Variants in MRPL48 observed in about 807,000 individuals in gnomAD.
The protein encoded by MRPL48 is mitochondrial ribosomal protein L48.
A neutral mutation model predicts 32.9 loss-of-function variants in MRPL48; 16 were observed. That is an observed-to-expected ratio of 0.49 (90% CI 0.33 to 0.74). The LOEUF (loss-of-function observed/expected upper bound fraction) is 0.74, where lower values mean the gene tolerates loss of function less well. Among genes scored for constraint, MRPL48 ranks in the 30% least tolerant of loss-of-function variants. The pLI, the probability that MRPL48 is intolerant of heterozygous loss-of-function variation, is 0.02. For missense variants in MRPL48, 206 were observed against 245.3 expected, an observed-to-expected ratio of 0.84 and a Z score of 1.07; for synonymous variants, 94 against 89.2, an observed-to-expected ratio of 1.05 and a Z score of -0.31.
At chr11:73,838,981 C>T (rs1670571) in intron 4 of MRPL48, among the ~76,000 whole-genome samples, 12,252 of 152,160 alleles carry the variant, frequency 0.081, 685 homozygotes, top group African/African-American at 0.16. Flanking sequence ...AATAATGACT[C>T]ATTGTATGTT....
chr11:73,788,091 G>A (rs1344374916), intron 1 of MRPL48, 99 bp downstream of exon 1: 7 of 1,376,514 alleles, frequency 5.1e-6, no homozygotes, highest in East Asian at 2.8e-5. Flanking sequence ...GCGGCGCGCG[G>A]ACATCCGGGG....
rs116055271 is a variant in MRPL48 at position 73,845,221 on chromosome 11, C to A, written c.371+245C>A. The A allele has an allele frequency of 8.6e-3, 2,842 of 329,870 alleles. 70 individuals carry two copies. The highest frequency in any genetic ancestry group is 0.056 in the African/African-American group (2,641 of 47,198). The allele number at this position is 329,870 out of a possible 1,614,324, so 20.4% of individuals were successfully genotyped here. A position where few individuals can be genotyped will look rare whatever the true frequency, so the allele number is the denominator to read the frequency against. The stretch of plus-strand genomic sequence containing the variant: ...TGGCAACCACAGACCAATTTTCTGG[C>A]CCTATTGTTTTAACTTCTCCAGAAT... On this transcript the variant is annotated intron_variant, in intron 5 of 7. Transcript: ENST00000310614.
Position 73,810,559 on chromosome 11 carries a change from A to C in MRPL48, c.112+2209A>C, listed in dbSNP as rs12804752. On this transcript the variant is annotated intron_variant, in intron 3 of 7. Transcript: ENST00000310614. ...AGAAATAAGGATGTTTTCTTTCTTT[A>C]TTTTTTTTTTTTTATTGTAATTTAA... 1.8e-3 allele frequency among the ~76,000 whole-genome samples: 73 copies of C among 39,858 alleles called. 1 individual carries two copies. The highest frequency in any genetic ancestry group is 3.1e-3 in the East Asian group (6 of 1,922). 26.1% of individuals were successfully genotyped at this position (39,858 alleles called of 152,430 possible). A position where few individuals can be genotyped will look rare whatever the true frequency, so the allele number is the denominator to read the frequency against.
chr11:73,793,146 A>G (rs1423186694), intron 1 of MRPL48, among the ~76,000 whole-genome samples: 2 of 152,056 alleles, frequency 1.3e-5, no homozygotes, highest in East Asian at 1.9e-4. Context: ...GCTCACTACA[A>G]CCTCTGCCTC....
intron 1 of MRPL48, among the ~76,000 whole-genome samples, chr11:73,796,872 C>T (rs546783141): frequency 6.6e-6 from 1 of 152,142 alleles, no homozygotes; most frequent in South Asian, 2.1e-4. Context: ...TGAGACCAAC[C>T]TGGCCAACAT....
At chr11:73,801,868 T>C (rs1947368581) in intron 1 of MRPL48, among the ~76,000 whole-genome samples, 1 of 152,216 alleles carries the variant, frequency 6.6e-6, no homozygotes, top group African/African-American at 2.4e-5. Flanking sequence ...ATGGTAGCAA[T>C]GATTATCATT....
intron 4 of MRPL48, among the ~76,000 whole-genome samples, chr11:73,828,259 C>T (rs1221759581): frequency 6.8e-6 from 1 of 146,886 alleles, no homozygotes; most frequent in Non-Finnish European, 1.5e-5. Flanking sequence ...TAGAATCTCT[C>T]TGCCGCACAG....
At chr11:73,791,414 T>C (rs913535887) in intron 1 of MRPL48, among the ~76,000 whole-genome samples, 12 of 151,362 alleles carry the variant, frequency 7.9e-5, no homozygotes. Flanking sequence ...CTATATTTTC[T>C]TTTTTTTTAA....
rs754606008 is a variant in MRPL48 at position 73,800,867 on chromosome 11, A to G, written c.22-4160A>G. Reference sequence around the variant, plus strand: ...GCTCTTGTTGCCCAGGCTGGAGTGCAATGGCGTGATCTCGGCTCACAGCAA... The same window carrying G: ...GCTCTTGTTGCCCAGGCTGGAGTGCGATGGCGTGATCTCGGCTCACAGCAA... On this transcript the variant is annotated intron_variant, in intron 1 of 7. Transcript: ENST00000310614. Among the ~76,000 whole-genome samples the G allele has an allele frequency of 5.8e-4, 84 of 144,240 alleles. 1 individual carries two copies. Among genetic ancestry groups the G allele is most frequent in the Non-Finnish European group, 1.1e-3 (71 of 67,028 alleles). 94.6% of individuals were successfully genotyped at this position (144,240 alleles called of 152,430 possible).
chr11:73,840,145 AAG>A (rs1485987671), intron 4 of MRPL48, among the ~76,000 whole-genome samples: 2 of 152,048 alleles, frequency 1.3e-5, no homozygotes, highest in African/African-American at 2.4e-5. Flanking sequence ...TTAAATGAAA[AAG>A]AGAAAATAAA....
chr11:73,818,160 T>C (rs1177966506), intron 3 of MRPL48, among the ~76,000 whole-genome samples: 1 of 152,050 alleles, frequency 6.6e-6, no homozygotes, highest in East Asian at 1.9e-4. Context: ...ACAATGATGT[T>C]CAGAAAGGAA....
At chr11:73,860,555 T>C (rs552346824) in intron 6 of MRPL48, 1 of 152,348 alleles carries the variant, frequency 6.6e-6, no homozygotes, top group African/African-American at 2.4e-5. Context: ...TTGAAACCCC[T>C]CAGTGGCTGC....
intron 4 of MRPL48, among the ~76,000 whole-genome samples, chr11:73,839,394 A>G (rs1020661753): frequency 1.2e-4 from 18 of 152,168 alleles, no homozygotes; most frequent in African/African-American, 4.3e-4. Flanking sequence ...ATTCAGCCCC[A>G]TAGCAAGACT....
At chr11:73,816,822 T>A (rs2134990926) in intron 3 of MRPL48, among the ~76,000 whole-genome samples, 1 of 151,054 alleles carries the variant, frequency 6.6e-6, no homozygotes, top group East Asian at 2.0e-4. Flanking sequence ...TTGTTTATTT[T>A]GTTTATTATT....
At chr11:73,847,871 C>T (rs1282002033) in intron 5 of MRPL48, among the ~76,000 whole-genome samples, 1 of 152,144 alleles carries the variant, frequency 6.6e-6, no homozygotes, top group Non-Finnish European at 1.5e-5. Flanking sequence ...TGAGTCACTG[C>T]ACCTGGCCAC....
intron 4 of MRPL48, among the ~76,000 whole-genome samples, chr11:73,826,628 G>A (rs1018345027): frequency 3.9e-5 from 6 of 151,976 alleles, no homozygotes; most frequent in African/African-American, 1.4e-4. Flanking sequence ...ATAGGCGTCC[G>A]CTGCCACACC....
At chr11:73,838,602 C>G (rs1359883696) in intron 4 of MRPL48, among the ~76,000 whole-genome samples, 1 of 152,196 alleles carries the variant, frequency 6.6e-6, no homozygotes, top group Non-Finnish European at 1.5e-5. Context: ...CTAGACAGCT[C>G]TTACTGCAGT....
At chr11:73,862,390 C>T (rs954866949) in intron 6 of MRPL48, among the ~76,000 whole-genome samples, 1 of 152,062 alleles carries the variant, frequency 6.6e-6, no homozygotes, top group African/African-American at 2.4e-5. Flanking sequence ...CCATTGCACT[C>T]CAGCCTGGGC....
intron 4 of MRPL48, among the ~76,000 whole-genome samples, chr11:73,826,929 A>G (rs558745988): frequency 6.6e-6 from 1 of 151,200 alleles, no homozygotes; most frequent in Non-Finnish European, 1.5e-5. Flanking sequence ...GGCATGCGCC[A>G]CCAAGCCTGG....
Sources: allele counts gnomAD v4.1 joint callset (sites outside exome capture counted in the v4.1 genomes callset), GRCh38; gene constraint gnomAD v4.1.1; transcripts MANE v1.5; gene names NCBI Gene and HGNC (gene_info 2026-07-23, HGNC 2026-07-21).